NAV3: variants seen among roughly 807,000 people sequenced by gnomAD.
NAV3 encodes pore membrane and/or filament interacting like protein 1.
In NAV3, 87 loss-of-function variants were observed where a neutral mutation model predicts 244.7. The observed-to-expected ratio is 0.36, with a 90% CI of 0.30 to 0.42. NAV3 has a LOEUF of 0.42. Among genes scored for constraint, NAV3 ranks in the 20% least tolerant of loss-of-function variants. The pLI, the probability that NAV3 is intolerant of heterozygous loss-of-function variation, is 1.00. For missense variants in NAV3, 2,663 were observed against 2,893.3 expected (o/e 0.92, Z 1.83); for synonymous variants, 1,126 against 1,042.2 (o/e 1.08, Z -1.55).
chr12:78,071,901 A>G (rs1240553815), intron 12 of NAV3, among the ~76,000 whole-genome samples: 1 of 152,174 alleles, frequency 6.6e-6, no homozygotes, highest in Non-Finnish European at 1.5e-5. Context: ...CCGCTCAACT[A>G]CATGGAAACT....
chr12:77,744,921 G>T (rs1868460067), intron 2 of NAV3, among the ~76,000 whole-genome samples: 1 of 151,920 alleles, frequency 6.6e-6, no homozygotes, highest in African/African-American at 2.4e-5. Flanking sequence ...AAACTTAAAA[G>T]AGTACAGTGG....
chr12:77,816,902 T>C (rs1169659007), intron 2 of NAV3, among the ~76,000 whole-genome samples: 1 of 152,194 alleles, frequency 6.6e-6, no homozygotes, highest in African/African-American at 2.4e-5. Context: ...CATTTAAAGC[T>C]TGCCGTTCAG....
At chr12:77,908,879 T>C (rs115765437) in intron 1 of NAV3, among the ~76,000 whole-genome samples, 2,412 of 152,174 alleles carry the variant, frequency 0.016, 71 homozygotes, top group African/African-American at 0.055. Context: ...GTTAAAAGTC[T>C]AAGTAGTGTA....
At chr12:77,789,195 T>C (rs559150106) in intron 2 of NAV3, among the ~76,000 whole-genome samples, 2 of 152,334 alleles carry the variant, frequency 1.3e-5, no homozygotes, top group South Asian at 4.1e-4. Context: ...AATTCTCTAC[T>C]TCTTTGCCAG....
At chr12:78,187,784 T>A (rs1958791913) in intron 31 of NAV3, among the ~76,000 whole-genome samples, 1 of 151,860 alleles carries the variant, frequency 6.6e-6, no homozygotes, top group Non-Finnish European at 1.5e-5. Context: ...CAACTGAGTT[T>A]TGGACTTATC....
intron 12 of NAV3, among the ~76,000 whole-genome samples, chr12:78,095,388 G>GT (rs1005768870): frequency 2.0e-4 from 31 of 152,238 alleles, no homozygotes; most frequent in African/African-American, 7.2e-4. Context: ...CACAATTAAA[G>GT]TGCAAACATA....
At chr12:77,801,977 G>A (rs746052922) in intron 2 of NAV3, among the ~76,000 whole-genome samples, 2 of 152,072 alleles carry the variant, frequency 1.3e-5, no homozygotes, top group African/African-American at 4.8e-5. Flanking sequence ...TATAGTTGCT[G>A]CTGACTAAAT....
At chr12:78,006,281 G>C in intron 7 of NAV3, 138 bp from the exon 8 acceptor site, 1 of 785,956 alleles carries the variant, frequency 1.3e-6, no homozygotes, top group Non-Finnish European at 2.0e-6. Context: ...CATCAGAGAA[G>C]TGATTGATGC....
rs544366341 is a variant in NAV3, at chr12:77,863,588, T to G, written c.243+31884T>G. Among the ~76,000 whole-genome samples the G allele has an allele frequency of 3.9e-5, 6 of 152,078 alleles. No homozygotes were observed. The South Asian group carries it at 6.2e-4, about 16-fold the overall frequency. ...ATTTTAAAATTTATTGGACTGAGTC[T>G]TGACACATCTAACTGCAATTTTCTC... is the stretch of plus-strand genomic sequence containing the variant. On this transcript the variant is annotated intron_variant, in intron 1 of 39. Transcript: ENST00000397909.
At chr12:77,769,565 A>G (rs11106639) in intron 2 of NAV3, among the ~76,000 whole-genome samples, 20,786 of 152,284 alleles carry the variant, frequency 0.14, 1,867 homozygotes, top group East Asian at 0.31. Context: ...ACAAAGTCAT[A>G]GGAATGTTTG....
chr12:78,122,318 T>G lies in NAV3; in HGVS notation c.4128T>G (p.Ile1376Met). ...GCCTCCACACGAGCTCTGAGTCCAT[T>G]GACCTCCCCCTCAGCCATCATGGCT... ...MTSLHTSSES[I>M]DLPLSHHGSL... Residue 1376 changes from isoleucine to methionine, a missense_variant, in exon 16 of 40, where the codon ATT becomes ATG. Around this residue, in one of 6 missense-constraint regions of NAV3, gnomAD observed 354 missense variants for 413.0 expected, o/e 0.86. Coordinates refer to ENST00000397909, the MANE Select transcript of NAV3 (RefSeq NM_001024383.2). 1.2e-6 allele frequency: 2 copies of G among 1,614,174 alleles called. No homozygotes were observed. The highest frequency in any genetic ancestry group is 1.7e-6 in the Non-Finnish European group (2 of 1,180,034).
intron 2 of NAV3, among the ~76,000 whole-genome samples, chr12:77,663,165 C>T (rs1219678228): frequency 6.6e-6 from 1 of 152,136 alleles, no homozygotes; most frequent in Non-Finnish European, 1.5e-5. Flanking sequence ...TCACACTTAA[C>T]TAGGAGAATA....
intron 2 of NAV3, among the ~76,000 whole-genome samples, chr12:77,771,928 A>T (rs28671472): frequency 9.0e-4 from 2 of 2,230 alleles, no homozygotes; most frequent in African/African-American, 9.3e-4. Flanking sequence ...TAAAAAAATT[A>T]AAAAAAAATG....
intron 31 of NAV3, among the ~76,000 whole-genome samples, chr12:78,187,165 G>T (rs1432221985): frequency 6.6e-6 from 1 of 151,814 alleles, no homozygotes; most frequent in East Asian, 1.9e-4. Flanking sequence ...TTCTGCAAAA[G>T]GTATTAGATT....
chr12:77,847,900 T>A (rs1305433710), intron 1 of NAV3, among the ~76,000 whole-genome samples: 2 of 152,206 alleles, frequency 1.3e-5, no homozygotes, highest in Non-Finnish European at 2.9e-5. Context: ...AAAGGAGAGT[T>A]AGAATGAGTT....
At chr12:77,885,450 T>A (rs1883173193) in intron 1 of NAV3, among the ~76,000 whole-genome samples, 1 of 152,140 alleles carries the variant, frequency 6.6e-6, no homozygotes, top group Non-Finnish European at 1.5e-5. Flanking sequence ...GCAGAATAAG[T>A]ACTCAATAAA....
chr12:77,981,016 G>A (rs545157103), intron 5 of NAV3, among the ~76,000 whole-genome samples: 4 of 152,132 alleles, frequency 2.6e-5, no homozygotes, highest in East Asian at 3.9e-4. Context: ...TTTTCATACC[G>A]TATTTCACTA....
Position 78,053,073 on chromosome 12 carries a change from C to T in NAV3, c.2516+1926C>T, listed in dbSNP as rs564505725. Among the ~76,000 whole-genome samples, 5 of 151,880 alleles carry T rather than the reference C, an allele frequency of 3.3e-5. No homozygotes were observed. The South Asian group carries it at 1.0e-3, about 32-fold the overall frequency. On this transcript the variant is annotated intron_variant, in intron 11 of 39. Coordinates refer to ENST00000397909, the MANE Select transcript of NAV3 (RefSeq NM_001024383.2). ...ATCTCTACTAAAAAAGTTAGCCAGG[C>T]ATGGTGGCTTGTGCCTGTATTCCCA...
At chr12:77,805,762 T>A (rs1410980829) in intron 2 of NAV3, among the ~76,000 whole-genome samples, 1 of 152,212 alleles carries the variant, frequency 6.6e-6, no homozygotes, top group Non-Finnish European at 1.5e-5. Flanking sequence ...TCTTTGTACC[T>A]CTGGTAGAAC....
Sources: allele counts gnomAD v4.1 joint callset (sites outside exome capture counted in the v4.1 genomes callset), GRCh38; gene constraint gnomAD v4.1.1; regional missense constraint gnomAD v4.1.1; transcripts MANE v1.5; gene names NCBI Gene and HGNC (gene_info 2026-07-23, HGNC 2026-07-21).